CCDC171: variants seen among roughly 807,000 people sequenced by gnomAD.
CCDC171 encodes the protein coiled-coil domain-containing protein 171.
A neutral mutation model predicts 168.2 loss-of-function variants in CCDC171; 177 were observed. That is an observed-to-expected ratio of 1.05 (90% CI 0.93 to 1.19). The LOEUF is 1.19. Ranked by LOEUF, CCDC171 falls within the 50% of genes most tolerant of loss-of-function variation. The pLI, the probability that CCDC171 is intolerant of heterozygous loss-of-function variation, is 0.00. For missense variants in CCDC171, 1,991 were observed against 1,539.0 expected (o/e 1.29, Z -4.91); for synonymous variants, 687 against 540.8 (o/e 1.27, Z -3.75).
chr9:16,011,701 C>T (rs1832873811), intron 3 of CCDC171, among the ~76,000 whole-genome samples: 1 of 152,104 alleles, frequency 6.6e-6, no homozygotes, highest in Non-Finnish European at 1.5e-5. Context: ...CGATTTTGCA[C>T]TAGGACTGGT....
Position 15,573,912 on chromosome 9 carries a change from A to C in CCDC171, c.177+2153A>C, listed in dbSNP as rs193181494. 3.8e-3 allele frequency among the ~76,000 whole-genome samples: 579 copies of C among 152,090 alleles called. 2 individuals are homozygous for C. Among genetic ancestry groups the C allele is most frequent in the Middle Eastern group, 0.027 (8 of 294 alleles). On this transcript the variant is annotated intron_variant, in intron 3 of 25. Transcript: ENST00000380701. The stretch of plus-strand genomic sequence containing the variant: ...CCTGTATCTACAAAAAATAAAATAA[A>C]AATAAATATATTCTTTCATAATATG...
intron 21 of CCDC171, among the ~76,000 whole-genome samples, chr9:15,810,993 G>A (rs185842457): frequency 5.3e-5 from 8 of 152,358 alleles, no homozygotes; most frequent in Admixed American, 5.2e-4. Context: ...CTAGTTTCAT[G>A]TGGCTAGTAA....
intron 7 of CCDC171, among the ~76,000 whole-genome samples, chr9:15,656,262 C>T (rs1049877712): frequency 2.0e-5 from 3 of 150,982 alleles, no homozygotes; most frequent in African/African-American, 7.3e-5. Flanking sequence ...GTAGAGCTTG[C>T]AGTGAGCCTA....
At chr9:15,656,889 T>G (rs2047979336) in intron 7 of CCDC171, among the ~76,000 whole-genome samples, 1 of 152,064 alleles carries the variant, frequency 6.6e-6, no homozygotes, top group Non-Finnish European at 1.5e-5. Context: ...AAGTATATTT[T>G]CACTATGTGT....
chr9:16,017,045 G>A (rs1264268717), intron 3 of CCDC171, among the ~76,000 whole-genome samples: 1 of 152,134 alleles, frequency 6.6e-6, no homozygotes, highest in Non-Finnish European at 1.5e-5. Flanking sequence ...TGTTGGGGCA[G>A]GGAATGATGA....
intron 3 of CCDC171, among the ~76,000 whole-genome samples, chr9:15,983,516 G>GAT: frequency 6.7e-6 from 1 of 149,018 alleles, no homozygotes; most frequent in African/African-American, 2.5e-5. Flanking sequence ...GTGTGTGAGA[G>GAT]AGAGAGAATC....
intron 11 of CCDC171, among the ~76,000 whole-genome samples, chr9:15,715,781 G>C (rs1478432433): frequency 1.3e-5 from 2 of 152,108 alleles, no homozygotes; most frequent in Non-Finnish European, 2.9e-5. Flanking sequence ...TTTTTCTGTA[G>C]AACTATGGAT....
At chr9:16,020,587 A>G (rs1207777488) in intron 3 of CCDC171, 2 of 154,386 alleles carry the variant, frequency 1.3e-5, no homozygotes, top group Non-Finnish European at 2.9e-5. Flanking sequence ...CCAAATTGCC[A>G]GCAGCACTAC....
chr9:16,065,039 A>T (rs187474714), downstream of CCDC171, among the ~76,000 whole-genome samples: 2 of 152,094 alleles, frequency 1.3e-5, no homozygotes, highest in African/African-American at 2.4e-5. Context: ...TGTTAATTCA[A>T]TTTGAGTGCC....
intron 6 of CCDC171, among the ~76,000 whole-genome samples, chr9:15,615,708 G>C (rs1471619552): frequency 6.6e-6 from 1 of 151,694 alleles, no homozygotes; most frequent in African/African-American, 2.4e-5. Context: ...TTTGTTTATT[G>C]CAATGGGATT....
intron 4 of CCDC171, chr9:15,588,515 GA>G: frequency 1.4e-5 from 5 of 348,236 alleles, no homozygotes; most frequent in Admixed American, 3.5e-5. Context: ...TACCCAAAGG[GA>G]AAAGCTGATG....
At chr9:15,565,478 C>T (rs368855250) in intron 2 of CCDC171, among the ~76,000 whole-genome samples, 9 of 152,204 alleles carry the variant, frequency 5.9e-5, no homozygotes, top group South Asian at 2.1e-4. Flanking sequence ...ACCATTGCTC[C>T]GGCTTGTCAT....
chr9:16,002,135 ATTTTTT>A (rs76881347), intron 3 of CCDC171, among the ~76,000 whole-genome samples: 6 of 102,474 alleles, frequency 5.9e-5, no homozygotes, highest in Admixed American at 2.1e-4. Context: ...GCCTACTATC[ATTTTTT>A]TTTTTTTTTT....
At chr9:15,883,400 T>C (rs951909063) in intron 24 of CCDC171, among the ~76,000 whole-genome samples, 6 of 152,080 alleles carry the variant, frequency 3.9e-5, no homozygotes, top group Non-Finnish European at 8.8e-5. Flanking sequence ...GTATTTTCTG[T>C]ATATCCATTA....
At chr9:16,070,851 C>G in the CCDC171 span, among the ~76,000 whole-genome samples, 1 of 152,220 alleles carries the variant, frequency 6.6e-6, no homozygotes, top group Non-Finnish European at 1.5e-5. Context: ...AGTTGTGTAG[C>G]CCTCCTTCTT....
intron 21 of CCDC171, among the ~76,000 whole-genome samples, chr9:15,829,629 A>G (rs1202614447): frequency 1.3e-5 from 2 of 152,140 alleles, no homozygotes; most frequent in Non-Finnish European, 2.9e-5. Flanking sequence ...ATGCTAAAAG[A>G]ACTATGTAGG....
At chr9:15,906,474 G>A (rs572380344) in intron 24 of CCDC171, among the ~76,000 whole-genome samples, 6 of 151,952 alleles carry the variant, frequency 3.9e-5, no homozygotes, top group African/African-American at 9.7e-5. Flanking sequence ...ATTGGACAAC[G>A]CTTCATGCTA....
chr9:15,575,563 A>G (rs1454408804), intron 3 of CCDC171, among the ~76,000 whole-genome samples: 1 of 152,090 alleles, frequency 6.6e-6, no homozygotes, highest in African/African-American at 2.4e-5. Context: ...CCCAGCCAGT[A>G]CTCTTGAGAG....
intron 6 of CCDC171, among the ~76,000 whole-genome samples, chr9:15,595,611 A>C (rs1441526849): frequency 1.3e-5 from 2 of 152,150 alleles, no homozygotes; most frequent in Non-Finnish European, 2.9e-5. Context: ...AGAAACATAC[A>C]TCTGCATGTG....
Sources: gnomAD v4.1 joint callset for allele counts (sites outside exome capture counted in the v4.1 genomes callset) on GRCh38, gnomAD v4.1.1 for gene constraint, MANE v1.5 for transcripts, NCBI Gene and HGNC (gene_info 2026-07-23, HGNC 2026-07-21) for gene names.